Variants in DNM3 observed in about 807,000 individuals in gnomAD.
DNM3 encodes dynamin-3.
A neutral mutation model predicts 101.6 loss-of-function variants in DNM3; 47 were observed. The observed-to-expected ratio is 0.46, with a 90% CI of 0.37 to 0.59. DNM3 has a LOEUF of 0.59. DNM3 is among the 20% of genes least tolerant of loss of function. The probability of loss-of-function intolerance (pLI) is 0.00; values close to 1 mark genes in which losing one functional copy is unlikely to be tolerated. For missense variants in DNM3, 849 were observed against 1,085.7 expected (o/e 0.78, Z 3.06); for synonymous variants, 385 against 387.9 (o/e 0.99, Z 0.09).
chr1:171,860,242 A>G (rs1046813008), intron 1 of DNM3, among the ~76,000 whole-genome samples: 1 of 152,204 alleles, frequency 6.6e-6, no homozygotes, highest in Non-Finnish European at 1.5e-5. Flanking sequence ...ACTTTTAAAA[A>G]TATAACGAAT....
chr1:172,318,903 G>A (rs1426716861), intron 16 of DNM3, among the ~76,000 whole-genome samples: 4 of 152,054 alleles, frequency 2.6e-5, no homozygotes, highest in Non-Finnish European at 5.9e-5. Context: ...AGTTCATGTG[G>A]AACCAAAAAA....
chr1:172,409,778 T>C lies in DNM3; in HGVS notation c.*1937T>C. On this transcript the variant is annotated 3_prime_UTR_variant, in exon 21 of 21. Coordinates refer to ENST00000627582, the MANE Select transcript of DNM3 (RefSeq NM_015569.5). The stretch of plus-strand genomic sequence containing the variant: ...ATTCCCTTTGCTTCTTCCTTTGAAT[T>C]CTCTAAAATAGGCAGCTAACGGATT... 1.0e-6 allele frequency: 1 copy of C among 985,746 alleles called. No homozygotes were observed. The highest frequency in any genetic ancestry group is 1.2e-6 in the Non-Finnish European group (1 of 829,836). 61.1% of individuals were successfully genotyped at this position (985,746 alleles called of 1,614,324 possible).
intron 14 of DNM3, among the ~76,000 whole-genome samples, chr1:172,188,275 G>A (rs1480920373): frequency 6.6e-6 from 1 of 152,094 alleles, no homozygotes; most frequent in Non-Finnish European, 1.5e-5. Context: ...ACTATTAGGA[G>A]TTAGACTAAC....
chr1:171,847,143 C>T (rs2032240035), intron 1 of DNM3, among the ~76,000 whole-genome samples: 1 of 152,030 alleles, frequency 6.6e-6, no homozygotes, highest in East Asian at 1.9e-4. Flanking sequence ...TACATAGAAG[C>T]TTATGTATGT....
chr1:171,993,288 G>C (rs78492639), intron 4 of DNM3, among the ~76,000 whole-genome samples: 17 of 151,846 alleles, frequency 1.1e-4, no homozygotes, highest in Admixed American at 2.0e-4. Flanking sequence ...ATGTCTGTCA[G>C]TAAGGGATTC....
At chr1:172,015,938 G>A (rs2047418586) in intron 4 of DNM3, among the ~76,000 whole-genome samples, 1 of 151,990 alleles carries the variant, frequency 6.6e-6, no homozygotes, top group Non-Finnish European at 1.5e-5. Flanking sequence ...CACTTTGGGA[G>A]GCCAAGGTGG....
At chr1:172,093,591 C>T in intron 13 of DNM3, 2 of 932,782 alleles carry the variant, frequency 2.1e-6, no homozygotes, top group Non-Finnish European at 3.1e-6. Context: ...GAAACCTCTG[C>T]TCTAGATTTT....
rs145795432 is a variant in DNM3, at chr1:171,868,334, C to G, written c.161+26517C>G. Among the ~76,000 whole-genome samples the G allele has an allele frequency of 1.3e-4, 20 of 152,152 alleles. No individual in the cohort carries two copies. The East Asian group carries it at 3.9e-3, about 29-fold the overall frequency. ...GACAAGAGGTGTCCTGCACACAGCT[C>G]CTGGCATGCCAGGCATTCATCTTCT... is the stretch of plus-strand genomic sequence containing the variant. On this transcript the variant is annotated intron_variant, in intron 1 of 20. Coordinates refer to ENST00000627582, the MANE Select transcript of DNM3 (RefSeq NM_015569.5).
intron 1 of DNM3, among the ~76,000 whole-genome samples, chr1:171,883,414 C>CACACACA (rs1365474682): frequency 7.1e-5 from 4 of 56,192 alleles, no homozygotes; most frequent in Admixed American, 3.0e-4. Flanking sequence ...CACACACACA[C>CACACACA]CCTGTCAGAA....
intron 16 of DNM3, among the ~76,000 whole-genome samples, chr1:172,317,353 T>A (rs2065433541): frequency 6.6e-6 from 1 of 151,080 alleles, no homozygotes; most frequent in South Asian, 2.1e-4. Flanking sequence ...GCAAACACAT[T>A]CAAAAGCTAG....
chr1:172,031,702 A>T (rs147953317), intron 4 of DNM3, among the ~76,000 whole-genome samples: 2 of 152,322 alleles, frequency 1.3e-5, no homozygotes, highest in Non-Finnish European at 2.9e-5. Flanking sequence ...TACTGGAAGA[A>T]ACCTTGGAGA....
chr1:172,362,578 C>A (rs530049407), intron 17 of DNM3, among the ~76,000 whole-genome samples: 2 of 152,020 alleles, frequency 1.3e-5, no homozygotes, highest in Non-Finnish European at 1.5e-5. Context: ...CTTCTGGCTT[C>A]TTTTTAAACT....
chr1:171,939,127 C>T (rs935467454), intron 2 of DNM3, among the ~76,000 whole-genome samples: 1 of 151,798 alleles, frequency 6.6e-6, no homozygotes, highest in African/African-American at 2.4e-5. Context: ...GACAAAATTT[C>T]TAGTAGTCAA....
chr1:172,211,232 G>T (rs2060502188), intron 14 of DNM3, among the ~76,000 whole-genome samples: 1 of 152,046 alleles, frequency 6.6e-6, no homozygotes, highest in Admixed American at 6.6e-5. Flanking sequence ...CAGAGAGCGA[G>T]ATTTTTCTGA....
chr1:172,087,149 C>T (rs552441828), intron 12 of DNM3, among the ~76,000 whole-genome samples: 43 of 152,314 alleles, frequency 2.8e-4, no homozygotes, highest in African/African-American at 8.7e-4. Flanking sequence ...TTTGACACCA[C>T]CGTTAATCAC....
At chr1:172,037,319 T>C (rs1486492490) in intron 6 of DNM3, among the ~76,000 whole-genome samples, 2 of 152,200 alleles carry the variant, frequency 1.3e-5, no homozygotes, top group Non-Finnish European at 2.9e-5. Flanking sequence ...TAAATCATGC[T>C]GCTATAAATA....
At chr1:172,028,746 A>C (rs1013780386) in intron 4 of DNM3, among the ~76,000 whole-genome samples, 1 of 152,214 alleles carries the variant, frequency 6.6e-6, no homozygotes, top group Non-Finnish European at 1.5e-5. Flanking sequence ...GATCCCACAG[A>C]AATACAAACT....
At chr1:172,168,580 T>C (rs539894701) in intron 14 of DNM3, among the ~76,000 whole-genome samples, 3 of 152,106 alleles carry the variant, frequency 2.0e-5, no homozygotes, top group Non-Finnish European at 4.4e-5. Flanking sequence ...TTGTCTCCAC[T>C]AAGCAATTGA....
chr1:172,071,117 A>ATC (rs1185674940), intron 11 of DNM3, among the ~76,000 whole-genome samples: 3 of 131,694 alleles, frequency 2.3e-5, no homozygotes, highest in African/African-American at 5.8e-5. Context: ...ATATATATAT[A>ATC]TATCTTAGTT....
Sources: gnomAD v4.1 joint callset for allele counts (sites outside exome capture counted in the v4.1 genomes callset) on GRCh38, gnomAD v4.1.1 for gene constraint, MANE v1.5 for transcripts, NCBI Gene and HGNC (gene_info 2026-07-23, HGNC 2026-07-21) for gene names.